The following VPS13C variants were observed in gnomAD, a reference collection of about 807,000 sequenced individuals.
VPS13C encodes vacuolar protein sorting 13 homolog C.
VPS13C carries 358 observed loss-of-function variants against 456.8 expected under a neutral mutation model. The ratio of observed to expected loss-of-function variants is 0.78; its 90% CI spans 0.72 to 0.86. The LOEUF (loss-of-function observed/expected upper bound fraction) is 0.86. Ranked by LOEUF, VPS13C falls within the 40% of genes least tolerant of loss-of-function variation. The pLI, the probability that VPS13C is intolerant of heterozygous loss-of-function variation, is 0.00. For missense variants in VPS13C, 4,818 were observed against 4,385.4 expected, an observed-to-expected ratio of 1.10 and a Z score of -2.79; for synonymous variants, 1,578 against 1,486.7, an observed-to-expected ratio of 1.06 and a Z score of -1.41.
chr15:61,915,578 A>C, intron 61 of VPS13C, 55 bp downstream of exon 61: 1 of 1,496,370 alleles, frequency 6.7e-7, no homozygotes, highest in Non-Finnish European at 8.9e-7. Context: ...ATGACTCCCA[A>C]GTTTCTAGAT....
At chr15:61,877,743 A>G (rs999681756) in intron 74 of VPS13C, among the ~76,000 whole-genome samples, 13 of 152,082 alleles carry the variant, frequency 8.5e-5, no homozygotes, top group Middle Eastern at 6.8e-3. Context: ...CTAGTATTAA[A>G]TAGGATTTTA....
intron 48 of VPS13C, among the ~76,000 whole-genome samples, chr15:61,935,126 TCAAA>T (rs2044183651): frequency 6.6e-6 from 1 of 152,094 alleles, no homozygotes; most frequent in African/African-American, 2.4e-5. Context: ...AATAGCAAAA[TCAAA>T]CAGAGTTCAC....
intron 20 of VPS13C, 40 bp from the exon 21 acceptor site, chr15:61,982,613 G>A (rs574772146): frequency 1.1e-5 from 15 of 1,421,866 alleles, no homozygotes; most frequent in African/African-American, 2.8e-5. Context: ...GTTACACATG[G>A]TTCTTTCCAT....
intron 1 of VPS13C, among the ~76,000 whole-genome samples, chr15:62,044,704 A>G (rs1441464092): frequency 1.3e-5 from 2 of 152,146 alleles, no homozygotes; most frequent in African/African-American, 4.8e-5. Context: ...TCATGTCTCC[A>G]AACATTCTAC....
chr15:61,888,794 C>T (rs1178857122), intron 67 of VPS13C, among the ~76,000 whole-genome samples: 2 of 152,082 alleles, frequency 1.3e-5, no homozygotes, highest in South Asian at 2.1e-4. Flanking sequence ...GGTTATTACA[C>T]ATTTGTCAGA....
At chr15:61,863,996 T>G (rs1894369597) in intron 81 of VPS13C, 1 of 152,178 alleles carries the variant, frequency 6.6e-6, no homozygotes, top group Non-Finnish European at 1.5e-5. Flanking sequence ...CAGTTAATAT[T>G]TTTTGTCAGT....
chr15:62,052,887 G>A (rs149493761), intron 1 of VPS13C, among the ~76,000 whole-genome samples: 5 of 152,104 alleles, frequency 3.3e-5, no homozygotes, highest in Admixed American at 6.5e-5. Flanking sequence ...GACAAAGGAA[G>A]GTAGAAAGCT....
intron 18 of VPS13C, 75 bp downstream of exon 18, chr15:61,990,925 A>G: frequency 1.0e-6 from 1 of 975,428 alleles, no homozygotes; most frequent in Non-Finnish European, 1.6e-6. Context: ...ACTTAAAAAA[A>G]TCAGTAAGTC....
rs373375923 is a variant in VPS13C, at chr15:61,981,327, C to T, written c.2166+15G>A. On this transcript the variant is annotated intron_variant, in intron 22 of 84. Transcript: ENST00000644861. ...GGTCAAAGATGGGCAGACAAAAAAA[C>T]GCATATATACCTACCTGAAATGTAC... is the stretch of plus-strand genomic sequence containing the variant. The T allele has an allele frequency of 7.6e-6, 12 of 1,569,396 alleles. No individual in the cohort carries two copies. The highest frequency in any genetic ancestry group is 1.7e-4 in the Middle Eastern group (1 of 5,860).
Position 61,907,381 on chromosome 15 carries a change from T to C in VPS13C, c.8988A>G (p.Pro2996=), listed in dbSNP as rs9920256. Residue 2996 remains proline, a synonymous_variant, in exon 66 of 85, where the codon CCA becomes CCG. Coordinates refer to ENST00000644861, the MANE Select transcript of VPS13C (RefSeq NM_020821.3). ...DILTYKQSGS[P]EEMVLLPRQA... is the part of the protein sequence containing the mutation. ...GTCTTGGCAGCAAGACCATTTCTTC[T>C]GGTGACCCACTAAAACACAATGAAC... 2.3e-5 allele frequency: 37 copies of C among 1,613,664 alleles called. No homozygotes were observed. The highest frequency in any genetic ancestry group is 3.1e-5 in the Non-Finnish European group (36 of 1,179,776).
intron 16 of VPS13C, among the ~76,000 whole-genome samples, chr15:61,999,506 A>G (rs2046522702): frequency 6.6e-6 from 1 of 152,216 alleles, no homozygotes; most frequent in African/African-American, 2.4e-5. Context: ...ATCTCATTTA[A>G]AAGTATGAGT....
Position 61,872,050 on chromosome 15 carries a change from A to G in VPS13C, c.10579-16T>C. The G allele has an allele frequency of 6.2e-7, 1 of 1,611,634 alleles. No individual in the cohort carries two copies. Among genetic ancestry groups the G allele is most frequent in the Non-Finnish European group, 8.5e-7 (1 of 1,178,376 alleles). ...CAACAACTCCCTGAAAGAGAAATCA[A>G]TCATATAGTTTAGACTGAATGGAAG... is the stretch of plus-strand genomic sequence containing the variant. On this transcript the variant is annotated splice_polypyrimidine_tract_variant and intron_variant, in intron 78 of 84. Transcript: ENST00000644861.
chr15:61,868,682 A>G lies in VPS13C; in HGVS notation c.10840T>C (p.Ser3614Pro). ...ACCTCAAGTAAGTCAGAGCCCTCAG[A>G]TTCCTGTCTGTCATAAGGACGAATG... Reference protein sequence around the residue: ...GIIRPYDRQESEGSDLLENHI... With the variant: ...GIIRPYDRQEPEGSDLLENHI... Residue 3614 changes from serine (S) to proline (P), a missense_variant, in exon 81 of 85, where the codon TCT (serine) becomes CCT (proline). Transcript: ENST00000644861. The G allele has an allele frequency of 6.2e-7, 1 of 1,614,124 alleles. No homozygotes were observed. The highest frequency in any genetic ancestry group is 2.2e-5 in the East Asian group (1 of 44,868).
In VPS13C at chr15:61,962,247, C is replaced by A; in HGVS notation, c.3603+124G>T. On this transcript the variant is annotated intron_variant, in intron 34 of 84. Transcript: ENST00000644861. ...ATAGGGGTTTTGATCTCTACATTCA[C>A]GCATAAATATAATTAAAATAATGCC... is the stretch of plus-strand genomic sequence containing the variant. 7 of 832,152 alleles carry A rather than the reference C, an allele frequency of 8.4e-6. 1 individual carries two copies. The South Asian group carries it at 1.6e-4, about 19-fold the overall frequency. The allele number at this position is 832,152 out of a possible 1,614,324, so 51.5% of individuals were successfully genotyped here. A position where few individuals can be genotyped will look rare whatever the true frequency, so the allele number is the denominator to read the frequency against.
rs913669897 is a variant in VPS13C at position 61,853,255 on chromosome 15, G to A, written c.*1202C>T. On this transcript the variant is annotated 3_prime_UTR_variant, in exon 85 of 85. Transcript: ENST00000644861. Reference sequence around the variant, plus strand: ...TAAGTATTTAAAATACATTCTAGGCGTGCATTAGGAGTAAATGTTAATTTG... The same window carrying A: ...TAAGTATTTAAAATACATTCTAGGCATGCATTAGGAGTAAATGTTAATTTG... 7.2e-5 allele frequency: 11 copies of A among 152,206 alleles called. No homozygotes were observed. Among genetic ancestry groups the A allele is most frequent in the African/African-American group, 9.6e-5 (4 of 41,532 alleles). 9.4% of individuals were successfully genotyped at this position (152,206 alleles called of 1,614,324 possible).
intron 37 of VPS13C, among the ~76,000 whole-genome samples, chr15:61,956,262 G>C (rs1252778756): frequency 2.0e-5 from 3 of 151,842 alleles, no homozygotes; most frequent in African/African-American, 7.3e-5. Context: ...ACTCGTAAGT[G>C]GGAGCTAAAC....
intron 47 of VPS13C, among the ~76,000 whole-genome samples, chr15:61,938,302 G>C (rs2044296904): frequency 6.6e-6 from 1 of 151,530 alleles, no homozygotes; most frequent in Non-Finnish European, 1.5e-5. Context: ...GGACAATTTT[G>C]AAAGGCAGCC....
chr15:61,921,844 GCTTCAAGGAT>G (rs1261274599), intron 55 of VPS13C, 93 bp downstream of exon 55: 15 of 1,147,620 alleles, frequency 1.3e-5, no homozygotes, highest in Non-Finnish European at 1.9e-5. Context: ...CCTTAAAAGG[GCTTCAAGGAT>G]CCTAGACCAC....
rs749411428 is a variant in VPS13C, at chr15:61,954,473, T to A, written c.4247A>T (p.Glu1416Val). ...SKNTLTTGVEEIRSVDIINML... is the reference protein window; with the variant it reads ...SKNTLTTGVEVIRSVDIINML... Reference sequence around the variant, plus strand: ...ATTAATGATGTCTACAGACCTAATTTCTTCCACTCCAGTTGTTAAAGTATT... The same window carrying A: ...ATTAATGATGTCTACAGACCTAATTACTTCCACTCCAGTTGTTAAAGTATT... The change falls in exon 38 of 85, where the codon GAA becomes GTA. Residue 1416 changes from glutamate (E) to valine (V), a missense_variant. This residue lies in a region of VPS13C where 4,552 missense variants were observed against 4,130.6 expected (regional missense o/e 1.10). Coordinates refer to ENST00000644861, the MANE Select transcript of VPS13C (RefSeq NM_020821.3). The A allele has an allele frequency of 2.5e-6, 4 of 1,609,774 alleles. No individual in the cohort carries two copies. The highest frequency in any genetic ancestry group is 3.4e-6 in the Non-Finnish European group (4 of 1,178,318).
Sources: allele counts gnomAD v4.1 joint callset (sites outside exome capture counted in the v4.1 genomes callset), GRCh38; gene constraint gnomAD v4.1.1; regional missense constraint gnomAD v4.1.1; transcripts MANE v1.5; gene names NCBI Gene and HGNC (gene_info 2026-07-23, HGNC 2026-07-21).